CSMD3: variants seen among roughly 807,000 people sequenced by gnomAD.
The protein encoded by CSMD3 is CUB and sushi domain-containing protein 3.
In CSMD3, 177 loss-of-function variants were observed where a neutral mutation model predicts 435.2. The observed-to-expected ratio is 0.41, with a 90% CI of 0.36 to 0.46. The LOEUF is 0.46. Ranked by LOEUF, CSMD3 falls within the 20% of genes least tolerant of loss-of-function variation. The pLI, the probability that CSMD3 is intolerant of heterozygous loss-of-function variation, is 0.34. For synonymous variants in CSMD3, 1,656 were observed against 1,520.5 expected, an observed-to-expected ratio of 1.09 and a Z score of -2.07; for missense variants, 4,265 against 4,504.6, an observed-to-expected ratio of 0.95 and a Z score of 1.52.
rs191713132 is a variant in CSMD3, at chr8:112,692,991, C to T, written c.1973-2941G>A. 1.1e-3 allele frequency among the ~76,000 whole-genome samples: 163 copies of T among 151,416 alleles called. 2 individuals are homozygous for T. The highest frequency in any genetic ancestry group is 3.8e-3 in the African/African-American group (155 of 41,220). ...TATCTATCGAGAGAAAATAACATAG[C>T]CTGTATAAAGTTCAGGACTATCTGT... On this transcript the variant is annotated intron_variant, in intron 13 of 70. Coordinates refer to ENST00000297405, the MANE Select transcript of CSMD3 (RefSeq NM_198123.2).
chr8:113,269,540 C>T (rs563038194), intron 3 of CSMD3, among the ~76,000 whole-genome samples: 53 of 152,228 alleles, frequency 3.5e-4, no homozygotes, highest in African/African-American at 1.1e-3. Context: ...GGAGGCATCA[C>T]ACTACCTGAC....
In CSMD3 at chr8:112,690,140, G is replaced by A. The variant is rs1254596293; in HGVS notation, c.1973-90C>T. 5.3e-6 allele frequency: 5 copies of A among 949,662 alleles called. No individual in the cohort carries two copies. In the African/African-American group the frequency reaches 6.6e-5, roughly 12 times the overall value. 58.8% of individuals were successfully genotyped at this position (949,662 alleles called of 1,614,324 possible). A position where few individuals can be genotyped will look rare whatever the true frequency, so the allele number is the denominator to read the frequency against. On this transcript the variant is annotated intron_variant, in intron 13 of 70. Coordinates refer to ENST00000297405, the MANE Select transcript of CSMD3 (RefSeq NM_198123.2). ...GTTAGGTAGATATATGCTCTTTGTT[G>A]TGGAGATATTTCAGAACAAAAAATA... is the stretch of plus-strand genomic sequence containing the variant.
chr8:113,357,953 T>C (rs552711140), intron 1 of CSMD3, among the ~76,000 whole-genome samples: 1 of 152,328 alleles, frequency 6.6e-6, no homozygotes, highest in African/African-American at 2.4e-5. Flanking sequence ...TAAACCTCTT[T>C]TCTTTATAAA....
chr8:112,771,336 C>A (rs575437166), intron 13 of CSMD3, among the ~76,000 whole-genome samples: 1 of 151,946 alleles, frequency 6.6e-6, no homozygotes, highest in African/African-American at 2.4e-5. Context: ...GCCAGGAGTT[C>A]GAAATAAGCC....
chr8:112,670,903 G>GA, intron 16 of CSMD3, among the ~76,000 whole-genome samples: 1 of 151,964 alleles, frequency 6.6e-6, no homozygotes, highest in African/African-American at 2.4e-5. Flanking sequence ...ATATTTAGAG[G>GA]AAAAAATGAA....
At chr8:112,609,201 C>CAAAAAAAAAAAAAAAAAAAAAAAAAAA (rs71566035) in intron 22 of CSMD3, among the ~76,000 whole-genome samples, 2 of 43,104 alleles carry the variant, frequency 4.6e-5, no homozygotes, top group Non-Finnish European at 8.3e-5. Flanking sequence ...GATACTGCCT[C>CAAAAAAAAAAAAAAAAAAAAAAAAAAA]AAAAAAAAAA....
intron 13 of CSMD3, among the ~76,000 whole-genome samples, chr8:112,774,490 C>T (rs528159241): frequency 5.5e-4 from 83 of 152,072 alleles, no homozygotes; most frequent in African/African-American, 1.4e-3. Context: ...AATTTTATGC[C>T]TCACGGTGAA....
At chr8:112,311,273 C>T in intron 49 of CSMD3, 107 bp from the exon 50 acceptor site, 1 of 855,996 alleles carries the variant, frequency 1.2e-6, no homozygotes, top group Non-Finnish European at 1.9e-6. Context: ...GGTCAGTGGT[C>T]ATCTATGTAA....
intron 5 of CSMD3, among the ~76,000 whole-genome samples, chr8:113,080,796 C>T (rs974227793): frequency 1.3e-5 from 2 of 152,114 alleles, no homozygotes; most frequent in Admixed American, 1.3e-4. Flanking sequence ...TCCTTCAGTT[C>T]TACTTAAGTA....
intron 16 of CSMD3, among the ~76,000 whole-genome samples, chr8:112,679,303 T>G (rs1343356724): frequency 6.6e-6 from 1 of 152,054 alleles, no homozygotes; most frequent in Non-Finnish European, 1.5e-5. Context: ...AGAGGTGGTT[T>G]GGGATAGAGT....
chr8:113,072,561 T>C (rs2089172030), intron 5 of CSMD3, among the ~76,000 whole-genome samples: 1 of 151,900 alleles, frequency 6.6e-6, no homozygotes, highest in African/African-American at 2.4e-5. Flanking sequence ...GCATCAATTA[T>C]AATTTCCAAC....
At chr8:112,496,024 T>C (rs907642827) in intron 30 of CSMD3, among the ~76,000 whole-genome samples, 6 of 152,026 alleles carry the variant, frequency 3.9e-5, no homozygotes, top group African/African-American at 1.4e-4. Flanking sequence ...GGCTGGAGTG[T>C]AGTGGTGCGA....
intron 1 of CSMD3, among the ~76,000 whole-genome samples, chr8:113,332,367 A>G (rs1163776904): frequency 6.6e-6 from 1 of 151,472 alleles, no homozygotes; most frequent in Non-Finnish European, 1.5e-5. Flanking sequence ...AAAATGAGGT[A>G]TCCCTGTATA....
Position 112,319,978 on chromosome 8 carries a change from T to C in CSMD3, c.7169A>G (p.Tyr2390Cys), listed in dbSNP as rs1822840360. ...SGFFVLSYHA[Y>C]QLRVCQPPPP... ...TGGAGGTTGGCACACCCTTAGTTGA[T>C]AGGCTACAAAAATAAACAAAGTGTT... Residue 2390 changes from tyrosine to cysteine, a missense_variant, in exon 46 of 71, where the codon TAT (tyrosine) becomes TGT (cysteine). Tyr to Cys is a radical substitution (Grantham distance 194, BLOSUM62 -2). This residue lies in a region of CSMD3 where 3,255 missense variants were observed against 3,380.2 expected (regional missense o/e 0.96). Coordinates refer to ENST00000297405, the MANE Select transcript of CSMD3 (RefSeq NM_198123.2). The C allele has an allele frequency of 1.2e-6, 2 of 1,608,490 alleles. No individual in the cohort carries two copies. The highest frequency in any genetic ancestry group is 1.7e-6 in the Non-Finnish European group (2 of 1,175,162).
chr8:113,103,594 A>G (rs1175815982), intron 4 of CSMD3, among the ~76,000 whole-genome samples: 1 of 152,094 alleles, frequency 6.6e-6, no homozygotes, highest in Non-Finnish European at 1.5e-5. Context: ...ATTCCCTCGT[A>G]AGTTCTTAGT....
At position 113,069,890 on chromosome 8, in the gene CSMD3, C is replaced by T. The variant is rs78495605; in HGVS notation, c.917+28866G>A. On this transcript the variant is annotated intron_variant, in intron 5 of 70. Coordinates refer to ENST00000297405, the MANE Select transcript of CSMD3 (RefSeq NM_198123.2). ...TGTAACTGCACAGACAAAATAGCAA[C>T]AGTCTAGGTGCCTGGGTCACTACTT... 4.4e-3 allele frequency among the ~76,000 whole-genome samples: 669 copies of T among 152,182 alleles called. 2 individuals carry two copies. Among genetic ancestry groups the T allele is most frequent in the Middle Eastern group, 0.01 (3 of 294 alleles).
intron 10 of CSMD3, among the ~76,000 whole-genome samples, chr8:112,900,517 G>C (rs977807741): frequency 4.0e-5 from 6 of 151,292 alleles, no homozygotes; most frequent in Middle Eastern, 3.4e-3. Flanking sequence ...TGGAAGTTGG[G>C]GGTCAAGGAA....
chr8:112,829,145 T>A (rs1186745761), intron 12 of CSMD3, among the ~76,000 whole-genome samples: 1 of 152,238 alleles, frequency 6.6e-6, no homozygotes, highest in African/African-American at 2.4e-5. Flanking sequence ...CTAATTTTTT[T>A]AACATTTATA....
Position 112,783,512 on chromosome 8 carries a change from G to C in CSMD3, c.1972+16650C>G, listed in dbSNP as rs373332053. On this transcript the variant is annotated intron_variant, in intron 13 of 70. Transcript: ENST00000297405. ...GAAGGGAGGGAGGGAGGGAGGAAGG[G>C]AGGGAGGGAGGGAAGGACGGAGGGA... is the stretch of plus-strand genomic sequence containing the variant. 1.9e-4 allele frequency among the ~76,000 whole-genome samples: 25 copies of C among 129,538 alleles called. No individual in the cohort carries two copies. The East Asian group carries it at 5.9e-3, about 31-fold the overall frequency. The allele number at this position is 129,538 out of a possible 152,430, so 85.0% of individuals were successfully genotyped here.
Sources: gnomAD v4.1 joint callset for allele counts (sites outside exome capture counted in the v4.1 genomes callset) on GRCh38, gnomAD v4.1.1 for gene constraint, gnomAD v4.1.1 regional missense constraint, MANE v1.5 for transcripts, NCBI Gene and HGNC (gene_info 2026-07-23, HGNC 2026-07-21) for gene names.